Variants in RNF228 observed in about 807,000 individuals in gnomAD.
RNF228 encodes the protein ring finger protein 228.
At chr2:222,314,165 G>A in the RNF228 span, among the ~76,000 whole-genome samples, 1 of 151,482 alleles carries the variant, frequency 6.6e-6, no homozygotes, top group Non-Finnish European at 1.5e-5. Context: ...ACTTCTCCAA[G>A]TATATTTTAT....
the RNF228 span, among the ~76,000 whole-genome samples, chr2:222,316,642 A>G: frequency 6.6e-6 from 1 of 152,346 alleles, no homozygotes; most frequent in East Asian, 1.9e-4. Context: ...ATGTGTGTGT[A>G]CACATGTACA....
the RNF228 span, chr2:222,319,094 G>A: frequency 5.2e-6 from 1 of 192,084 alleles, no homozygotes; most frequent in Non-Finnish European, 1.1e-5. This position sits in a 1 kb window ranked among gnomAD's most constrained non-coding sequence, Gnocchi z 7.6. Flanking sequence ...CGCCGCCGCT[G>A]CCCCCCGTCG....
At chr2:222,319,226 G>C in the RNF228 span, 4 of 325,164 alleles carry the variant, frequency 1.2e-5, no homozygotes, top group African/African-American at 4.4e-5. The surrounding 1 kb of genome is among the most constrained non-coding windows in gnomAD (Gnocchi z 7.6). Flanking sequence ...GCGAGGGCGA[G>C]GGCGACCCGG....
chr2:222,317,950 T>C, the RNF228 span: 1 of 152,244 alleles, frequency 6.6e-6, no homozygotes, highest in African/African-American at 2.4e-5. Context: ...ATGGGAATAA[T>C]GTCACTGCTT....
the RNF228 span, among the ~76,000 whole-genome samples, chr2:222,317,064 A>C: frequency 0.013 from 2,022 of 152,270 alleles, 32 homozygotes; most frequent in South Asian, 0.081. Flanking sequence ...TATTCCTAGA[A>C]ATAATCCCAC....
chr2:222,315,611 C>T, the RNF228 span, among the ~76,000 whole-genome samples: 2 of 152,080 alleles, frequency 1.3e-5, no homozygotes, highest in Admixed American at 1.3e-4. Flanking sequence ...AGGTAGGGGG[C>T]GCTGATACTC....
chr2:222,316,003 G>A, the RNF228 span, among the ~76,000 whole-genome samples: 1 of 152,108 alleles, frequency 6.6e-6, no homozygotes, highest in Admixed American at 6.5e-5. Flanking sequence ...GGTAGTAGAG[G>A]TGTCCAGGAT....
chr2:222,319,340 G>T, the RNF228 span: 1 of 355,454 alleles, frequency 2.8e-6, no homozygotes, highest in East Asian at 3.9e-5. This position sits in a 1 kb window ranked among gnomAD's most constrained non-coding sequence, Gnocchi z 7.6. Flanking sequence ...CCATGGAGAG[G>T]AAGGAGAAGA....
the RNF228 span, among the ~76,000 whole-genome samples, chr2:222,319,766 GGCA>G: frequency 1.4e-5 from 2 of 146,576 alleles, no homozygotes; most frequent in African/African-American, 4.9e-5. This position sits in a 1 kb window ranked among gnomAD's most constrained non-coding sequence, Gnocchi z 7.6. Flanking sequence ...CAGGCGCGGC[GGCA>G]GCGGCGGCGG....
At chr2:222,319,630 C>A in the RNF228 span, among the ~76,000 whole-genome samples, 1 of 146,118 alleles carries the variant, frequency 6.8e-6, no homozygotes, top group Non-Finnish European at 1.5e-5. The surrounding 1 kb of genome is among the most constrained non-coding windows in gnomAD (Gnocchi z 7.6). Context: ...GGGAAGGCCT[C>A]GGCTAGCTTG....
chr2:222,316,606 G>T, the RNF228 span, among the ~76,000 whole-genome samples: 3 of 152,196 alleles, frequency 2.0e-5, no homozygotes, highest in South Asian at 6.2e-4. Context: ...CTTCTAGGTT[G>T]CCAGTTTAGC....
At chr2:222,319,786 C>A in the RNF228 span, among the ~76,000 whole-genome samples, 1 of 148,110 alleles carries the variant, frequency 6.8e-6, no homozygotes, top group Non-Finnish European at 1.5e-5. This position sits in a 1 kb window ranked among gnomAD's most constrained non-coding sequence, Gnocchi z 7.6. Context: ...GCGGCGGCGG[C>A]GGCGCGGAGC....
chr2:222,319,253 A>AG, the RNF228 span: 3 of 332,102 alleles, frequency 9.0e-6, no homozygotes, highest in Admixed American at 4.9e-5. This position sits in a 1 kb window ranked among gnomAD's most constrained non-coding sequence, Gnocchi z 7.6. Flanking sequence ...GTGCCTCGCC[A>AG]GGGGGCGCCC....
At chr2:222,318,384 G>A in the RNF228 span, 1 of 152,258 alleles carries the variant, frequency 6.6e-6, no homozygotes, top group East Asian at 1.9e-4. Flanking sequence ...CCCAGCTGCT[G>A]CCTGAGCTCC....
At chr2:222,319,172 G>A in the RNF228 span, 3 of 301,514 alleles carry the variant, frequency 9.9e-6, no homozygotes, top group Non-Finnish European at 1.8e-5. The surrounding 1 kb of genome is among the most constrained non-coding windows in gnomAD (Gnocchi z 7.6). Context: ...CGACCGAGAA[G>A]AGTGCCAGGA....
the RNF228 span, chr2:222,317,112 A>C: frequency 2.0e-5 from 3 of 152,194 alleles, no homozygotes; most frequent in African/African-American, 7.2e-5. Flanking sequence ...TCCATGTGTG[A>C]GTTATTTCTC....
chr2:222,314,768 C>T, the RNF228 span, among the ~76,000 whole-genome samples: 1 of 152,082 alleles, frequency 6.6e-6, no homozygotes, highest in Non-Finnish European at 1.5e-5. Flanking sequence ...ATTAAAACGG[C>T]AAAGATTGAA....
the RNF228 span, among the ~76,000 whole-genome samples, chr2:222,314,190 G>T: frequency 4.6e-5 from 7 of 151,712 alleles, no homozygotes; most frequent in African/African-American, 1.7e-4. Flanking sequence ...AGAAATTATT[G>T]TGAATTCATC....
the RNF228 span, among the ~76,000 whole-genome samples, chr2:222,319,625 G>A: frequency 2.1e-5 from 3 of 146,234 alleles, no homozygotes; most frequent in South Asian, 2.1e-4. The surrounding 1 kb of genome is among the most constrained non-coding windows in gnomAD (Gnocchi z 7.6). Flanking sequence ...CCAGCGGGAA[G>A]GCCTCGGCTA....
Sources: allele counts gnomAD v4.1 joint callset (sites outside exome capture counted in the v4.1 genomes callset), GRCh38; gene constraint gnomAD v4.1.1; non-coding constraint Gnocchi (gnomAD v3.1); transcripts MANE v1.5; gene names NCBI Gene and HGNC (gene_info 2026-07-23, HGNC 2026-07-21).